RREB1: variants seen among roughly 807,000 people sequenced by gnomAD.
The protein encoded by RREB1 is ras responsive element binding protein 1.
RREB1 carries 27 observed loss-of-function variants against 117.8 expected under a neutral mutation model. The observed-to-expected ratio is 0.23, with a 90% CI of 0.17 to 0.32. RREB1 has a LOEUF of 0.32. Among genes scored for constraint, RREB1 ranks in the 10% least tolerant of loss-of-function variants. RREB1 has a pLI of 1.00. For synonymous variants in RREB1, 1,298 were observed against 1,026.7 expected (o/e 1.26, Z -5.05); for missense variants, 2,577 against 2,378.2 (o/e 1.08, Z -1.74).
At chr6:7,216,588 A>G (rs1034118273) in intron 8 of RREB1, 1 of 152,252 alleles carries the variant, frequency 6.6e-6, no homozygotes, top group African/African-American at 2.4e-5. Flanking sequence ...CCACTGTTCC[A>G]AGGAATGTTT....
intron 10 of RREB1, among the ~76,000 whole-genome samples, chr6:7,233,256 G>C (rs13191689): frequency 6.6e-6 from 1 of 152,294 alleles, no homozygotes; most frequent in South Asian, 2.1e-4. Context: ...AGAAGTTTAG[G>C]ATAGGAATAT....
chr6:7,230,000 A>G lies in RREB1; in HGVS notation c.1901A>G (p.Lys634Arg). Reference protein sequence around the residue: ...KAFMTAPGGKKTPAMRKVLYP... With the variant: ...KAFMTAPGGKRTPAMRKVLYP... ...TTCATGACAGCGCCCGGCGGCAAGA[A>G]GACGCCCGCCATGCGCAAGGTGCTC... The change falls in exon 10 of 13, where the codon AAG becomes AGG. Residue 634 changes from lysine to arginine, a missense_variant. Lys to Arg is a conservative substitution (Grantham distance 26). Coordinates refer to ENST00000379938, the MANE Select transcript of RREB1 (RefSeq NM_001003699.4). This position sits in a 1 kb window ranked among gnomAD's most constrained non-coding sequence, Gnocchi z 4.5. The G allele has an allele frequency of 1.2e-6, 2 of 1,607,550 alleles. No homozygotes were observed. The highest frequency in any genetic ancestry group is 1.7e-4 in the Middle Eastern group (1 of 6,046).
At chr6:7,209,572 CTTTTTTTTTTTT>C (rs397961662) in intron 6 of RREB1, among the ~76,000 whole-genome samples, 6 of 129,336 alleles carry the variant, frequency 4.6e-5, no homozygotes, top group Non-Finnish European at 8.1e-5. Flanking sequence ...TATTTCTTTC[CTTTTTTTTTTTT>C]TTTTTTTGAG....
rs745441379 is a variant in RREB1 at position 7,181,925 on chromosome 6, C to T, written c.14C>T (p.Ser5Leu). Residue 5 changes from serine to leucine, a missense_variant, in exon 4 of 13, where the codon TCG becomes TTG. Physicochemically the swap from Ser to Leu is moderately radical, Grantham distance 145. Coordinates refer to ENST00000379938, the MANE Select transcript of RREB1 (RefSeq NM_001003699.4). The part of the protein sequence containing the change: MTSS[S>L]PAGLEGSDLS... The stretch of plus-strand genomic sequence containing the variant: ...ACCCCTGTCCCAATGACGTCAAGTT[C>T]GCCCGCTGGCTTGGAAGGTTCAGAC... 1.9e-5 allele frequency: 31 copies of T among 1,614,120 alleles called. No homozygotes were observed. The highest frequency in any genetic ancestry group is 2.4e-5 in the Non-Finnish European group (28 of 1,180,034).
In RREB1 at chr6:7,211,654, G is replaced by T; in HGVS notation, c.652G>T (p.Val218Phe). 6.2e-7 allele frequency: 1 copy of T among 1,614,142 alleles called. No individual in the cohort carries two copies. Among genetic ancestry groups the T allele is most frequent in the Non-Finnish European group, 8.5e-7 (1 of 1,179,980 alleles). Residue 218 changes from valine to phenylalanine, a missense_variant, in exon 8 of 13, where the codon GTT becomes TTT. By Grantham distance (50) the Val-to-Phe change is conservative. Transcript: ENST00000379938. Reference sequence around the variant, plus strand: ...CTGCCCAGTATGTTTCAAGGAGTTTGTTTGCAAGTATGGACTGGAGACCCA... The same window carrying T: ...CTGCCCAGTATGTTTCAAGGAGTTTTTTTGCAAGTATGGACTGGAGACCCA... ...FHCPVCFKEF[V>F]CKYGLETHME... is the part of the protein sequence containing the mutation.
intron 5 of RREB1, 61 bp from the exon 6 acceptor site, chr6:7,189,098 C>A: frequency 6.7e-7 from 1 of 1,496,236 alleles, no homozygotes; most frequent in East Asian, 2.4e-5. Context: ...TCTGCATTTC[C>A]TAAGAGCTGA....
intron 1 of RREB1, among the ~76,000 whole-genome samples, chr6:7,172,702 G>T (rs1260600057): frequency 2.0e-5 from 3 of 151,890 alleles, no homozygotes; most frequent in East Asian, 1.9e-4. Flanking sequence ...GGGGGGGTGG[G>T]GGTGACTTTC....
chr6:7,112,141 T>C (rs1166068130), intron 1 of RREB1, among the ~76,000 whole-genome samples: 1 of 152,216 alleles, frequency 6.6e-6, no homozygotes, highest in East Asian at 1.9e-4. Context: ...TTAAAAATAA[T>C]TATATTAGGT....
rs377355347 is a variant in RREB1 at position 7,130,909 on chromosome 6, C to T, written c.-285+22849C>T. ...GGATTACAGGCGTGAGCCACTGCTC[C>T]TGACTGTTAATAGTCATGTCTTTTT... is the stretch of plus-strand genomic sequence containing the variant. On this transcript the variant is annotated intron_variant, in intron 1 of 12. Transcript: ENST00000379938. Among the ~76,000 whole-genome samples the T allele has an allele frequency of 1.8e-3, 262 of 146,848 alleles. 2 individuals carry two copies. The highest frequency in any genetic ancestry group is 6.3e-3 in the African/African-American group (247 of 39,390).
chr6:7,136,640 T>G (rs567094496), intron 1 of RREB1, among the ~76,000 whole-genome samples: 1 of 152,218 alleles, frequency 6.6e-6, no homozygotes, highest in Non-Finnish European at 1.5e-5. Flanking sequence ...ATGAAAAGTT[T>G]TCTCTTGAAC....
At chr6:7,123,037 G>A (rs1246712229) in intron 1 of RREB1, among the ~76,000 whole-genome samples, 2 of 152,204 alleles carry the variant, frequency 1.3e-5, no homozygotes, top group African/African-American at 4.8e-5. Flanking sequence ...TCACCGTGGT[G>A]TTGCCCCTCG....
intron 8 of RREB1, among the ~76,000 whole-genome samples, chr6:7,220,660 T>C (rs142276549): frequency 3.9e-5 from 6 of 152,384 alleles, no homozygotes; most frequent in African/African-American, 1.4e-4. Context: ...ATCCGATTTG[T>C]AAACCTTTCC....
At position 7,181,141 on chromosome 6, in the gene RREB1, A is replaced by G. The variant is rs1764773353; in HGVS notation, c.-148A>G. 2.5e-6 allele frequency: 1 copy of G among 398,598 alleles called. No individual in the cohort carries two copies. The highest frequency in any genetic ancestry group is 3.6e-5 in the East Asian group (1 of 28,082). 24.7% of individuals were successfully genotyped at this position (398,598 alleles called of 1,614,324 possible). On this transcript the variant is annotated 5_prime_UTR_variant, in exon 3 of 13. Coordinates refer to ENST00000379938, the MANE Select transcript of RREB1 (RefSeq NM_001003699.4). ...CCTTCCAGTGTCAACGAGTACTACCAAGAGAAGAAGACAAGAGGTCAACAC... is the reference window on the plus strand; with the variant it reads ...CCTTCCAGTGTCAACGAGTACTACCGAGAGAAGAAGACAAGAGGTCAACAC...
At position 7,205,784 on chromosome 6, in the gene RREB1, C is replaced by T. The variant is rs143128724; in HGVS notation, c.426-5020C>T. Among the ~76,000 whole-genome samples, 696 of 152,246 alleles carry T rather than the reference C, an allele frequency of 4.6e-3. 3 individuals are homozygous for T. Among genetic ancestry groups the T allele is most frequent in the Non-Finnish European group, 7.7e-3 (526 of 68,012 alleles). ...GTTTAACTCTGATGTTTTCAATATT[C>T]TTACAGACAACCTACCCTGCTAAAA... On this transcript the variant is annotated intron_variant, in intron 6 of 12. Transcript: ENST00000379938.
At chr6:7,149,721 C>G (rs530727694) in intron 1 of RREB1, among the ~76,000 whole-genome samples, 2 of 152,316 alleles carry the variant, frequency 1.3e-5, no homozygotes, top group African/African-American at 4.8e-5. Flanking sequence ...GAGTTTCGCT[C>G]TGGTCGCCTA....
At chr6:7,228,952 A>G (rs747213952) in intron 9 of RREB1, 45 bp from the exon 10 acceptor site, 6 of 1,443,242 alleles carry the variant, frequency 4.2e-6, no homozygotes, top group Middle Eastern at 2.0e-4. Context: ...TATTTTTTCA[A>G]TCTTCACATG....
chr6:7,201,221 C>G (rs1339121901), intron 6 of RREB1, among the ~76,000 whole-genome samples: 1 of 152,174 alleles, frequency 6.6e-6, no homozygotes, highest in East Asian at 1.9e-4. Flanking sequence ...GAGTGTGTGT[C>G]CGGTTTAGTT....
chr6:7,190,792 C>T (rs1295712274), intron 6 of RREB1, among the ~76,000 whole-genome samples: 1 of 152,216 alleles, frequency 6.6e-6, no homozygotes, highest in Non-Finnish European at 1.5e-5. Context: ...CCAAAAAGTC[C>T]TTTGTCCTTT....
rs1767890882 is a variant in RREB1 at position 7,230,730 on chromosome 6, T to G, written c.2631T>G (p.Pro877=). 1.2e-6 allele frequency: 2 copies of G among 1,602,126 alleles called. No individual in the cohort carries two copies. The highest frequency in any genetic ancestry group is 1.7e-5 in the Admixed American group (1 of 59,056). The change falls in exon 10 of 13, where the codon CCT becomes CCG. Residue 877 remains proline (P), a synonymous_variant. Coordinates refer to ENST00000379938, the MANE Select transcript of RREB1 (RefSeq NM_001003699.4). ...TTCTTCACAGGGGCCCCACCCAGCC[T>G]CCACCTCCCCATGTCTCGATCAAGT... ...NGFLHRGPTQ[P]PPPHVSIKLE... is the part of the protein sequence containing the mutation.
Sources: allele counts gnomAD v4.1 joint callset (sites outside exome capture counted in the v4.1 genomes callset), GRCh38; gene constraint gnomAD v4.1.1; non-coding constraint Gnocchi (gnomAD v3.1); transcripts MANE v1.5; gene names NCBI Gene and HGNC (gene_info 2026-07-23, HGNC 2026-07-21).